ARHGEF16: variants seen among roughly 807,000 people sequenced by gnomAD.
The protein encoded by ARHGEF16 is Rho guanine exchange factor (GEF) 16.
In ARHGEF16, 59 loss-of-function variants were observed where a neutral mutation model predicts 74.1. The ratio of observed to expected loss-of-function variants is 0.80; its 90% CI spans 0.65 to 0.99. The LOEUF (loss-of-function observed/expected upper bound fraction) is 0.99, where lower values mean the gene tolerates loss of function less well. Among genes scored for constraint, ARHGEF16 ranks in the 50% least tolerant of loss-of-function variants. ARHGEF16 has a pLI of 0.00. For missense variants in ARHGEF16, 948 were observed against 986.6 expected (o/e 0.96, Z 0.52); for synonymous variants, 415 against 412.6 (o/e 1.01, Z -0.07).
chr1:3,460,143 C>G (rs886553067), intron 1 of ARHGEF16, among the ~76,000 whole-genome samples: 5 of 152,250 alleles, frequency 3.3e-5, no homozygotes, highest in African/African-American at 1.2e-4. Flanking sequence ...ACTGCCCACA[C>G]CCCTCAGGCT....
chr1:3,469,552 C>A lies in ARHGEF16; in HGVS notation c.981C>A (p.His327Gln). 6.2e-7 allele frequency: 1 copy of A among 1,613,120 alleles called. No individual in the cohort carries two copies. Among genetic ancestry groups the A allele is most frequent in the Non-Finnish European group, 8.5e-7 (1 of 1,179,988 alleles). Residue 327 changes from histidine (H) to glutamine (Q), a missense_variant, in exon 6 of 15, where the codon CAC becomes CAA. Physicochemically the swap from His to Gln is conservative, Grantham distance 24. Coordinates refer to ENST00000378378, the MANE Select transcript of ARHGEF16 (RefSeq NM_014448.4). ...CCGTGACCCAGATGGAGCACCACCACCTCTTCTCCAACATCCTGGATGTCC... is the reference window on the plus strand; with the variant it reads ...CCGTGACCCAGATGGAGCACCACCAACTCTTCTCCAACATCCTGGATGTCC... ...RATVTQMEHH[H>Q]LFSNILDVLG...
intron 5 of ARHGEF16, 30 bp from the exon 6 acceptor site, chr1:3,469,403 T>G: frequency 6.2e-7 from 1 of 1,611,236 alleles, no homozygotes; most frequent in Non-Finnish European, 8.5e-7. Flanking sequence ...CCAGCGTCAC[T>G]GTGGGGCTCA....
At chr1:3,461,886 T>C (rs1197546794) in intron 1 of ARHGEF16, among the ~76,000 whole-genome samples, 1 of 152,158 alleles carries the variant, frequency 6.6e-6, no homozygotes, top group Non-Finnish European at 1.5e-5. Flanking sequence ...CATTCCTACC[T>C]GGCAGGCACG....
chr1:3,479,273 A>G (rs1217936904), intron 12 of ARHGEF16, among the ~76,000 whole-genome samples: 4 of 152,084 alleles, frequency 2.6e-5, no homozygotes, highest in Non-Finnish European at 5.9e-5. Flanking sequence ...AGTGCCAGGA[A>G]ACGGGGTGGC....
At chr1:3,473,626 A>G in intron 8 of ARHGEF16, 104 bp downstream of exon 8, 1 of 1,548,032 alleles carries the variant, frequency 6.5e-7, no homozygotes, top group Non-Finnish European at 8.8e-7. Flanking sequence ...CTTCTCCTCC[A>G]GGCTTGGCCT....
At chr1:3,467,096 C>G in intron 3 of ARHGEF16, 72 bp from the exon 4 acceptor site, 1 of 1,455,758 alleles carries the variant, frequency 6.9e-7, no homozygotes, top group Non-Finnish European at 9.3e-7. Flanking sequence ...GAGGACTCAG[C>G]TGGCGGGTTG....
intron 1 of ARHGEF16, among the ~76,000 whole-genome samples, chr1:3,460,359 G>A (rs1452620446): frequency 6.6e-6 from 1 of 152,226 alleles, no homozygotes; most frequent in African/African-American, 2.4e-5. Context: ...GGCCTGGGCA[G>A]TCTGGCCCCA....
Position 3,468,981 on chromosome 1 carries a change from C to A in ARHGEF16, c.861+45C>A, listed in dbSNP as rs2100745303. The A allele has an allele frequency of 2.6e-6, 4 of 1,547,096 alleles. 1 individual carries two copies. The Admixed American group carries it at 7.8e-5, about 30-fold the overall frequency. On this transcript the variant is annotated intron_variant, in intron 5 of 14. Transcript: ENST00000378378. ...GAGGGCTGTCCCCCATGGCCTGGGCCATGCAACACCCGGGGAGGGGCAGCA... is the reference window on the plus strand; with the variant it reads ...GAGGGCTGTCCCCCATGGCCTGGGCAATGCAACACCCGGGGAGGGGCAGCA...
chr1:3,475,901 C>G (rs1383727003), intron 9 of ARHGEF16, 69 bp from the exon 10 acceptor site: 9 of 1,466,796 alleles, frequency 6.1e-6, no homozygotes, highest in Non-Finnish European at 7.4e-6. Context: ...CCTGGGCACA[C>G]TGTGGGCCGT....
At chr1:3,470,682 T>C (rs1421139840) in intron 6 of ARHGEF16, among the ~76,000 whole-genome samples, 1 of 146,246 alleles carries the variant, frequency 6.8e-6, no homozygotes, top group Non-Finnish European at 1.5e-5. Flanking sequence ...TAGGTGTGTG[T>C]GCGTGGGCAA....
chr1:3,455,066 C>T (rs1165049921), intron 1 of ARHGEF16, among the ~76,000 whole-genome samples: 1 of 151,854 alleles, frequency 6.6e-6, no homozygotes, highest in Admixed American at 6.5e-5. Context: ...CCAGGCAGCC[C>T]CCTGCTTGCC....
intron 4 of ARHGEF16, chr1:3,468,527 C>A: frequency 6.0e-6 from 2 of 334,758 alleles, no homozygotes; most frequent in Non-Finnish European, 1.2e-5. Flanking sequence ...GCCCTCCACA[C>A]TCCCTCCCTG....
At chr1:3,457,303 C>T (rs532886428) in intron 1 of ARHGEF16, among the ~76,000 whole-genome samples, 114 of 152,366 alleles carry the variant, frequency 7.5e-4, no homozygotes, top group Middle Eastern at 3.4e-3. Flanking sequence ...AGAGAGGCCG[C>T]GCCCCACTGG....
chr1:3,478,073 T>C, intron 11 of ARHGEF16, 47 bp downstream of exon 11: 2 of 1,610,652 alleles, frequency 1.2e-6, no homozygotes, highest in Non-Finnish European at 1.7e-6. Context: ...CCATGGACAC[T>C]GGACCGCTGG....
chr1:3,478,623 T>C lies in ARHGEF16; in HGVS notation c.1814+11T>C, dbSNP rs778634944. The C allele has an allele frequency of 1.9e-6, 3 of 1,597,158 alleles. No individual in the cohort carries two copies. Among genetic ancestry groups the C allele is most frequent in the Non-Finnish European group, 1.7e-6 (2 of 1,170,106 alleles). On this transcript the variant is annotated intron_variant, in intron 12 of 14. Transcript: ENST00000378378. Reference sequence around the variant, plus strand: ...CTCCTCGGACTCCGCGTAAGTGGGCTCCCGGGAGGGCTGTTCCCAGGCCAC... The same window carrying C: ...CTCCTCGGACTCCGCGTAAGTGGGCCCCCGGGAGGGCTGTTCCCAGGCCAC...
intron 8 of ARHGEF16, chr1:3,473,734 C>G (rs1639805153): frequency 3.7e-6 from 3 of 809,258 alleles, no homozygotes; most frequent in Admixed American, 5.8e-5. Context: ...GGGAACTGTT[C>G]CAGCCCTTGG....
intron 1 of ARHGEF16, among the ~76,000 whole-genome samples, chr1:3,459,869 G>T (rs1184801587): frequency 1.3e-5 from 2 of 152,042 alleles, no homozygotes; most frequent in Non-Finnish European, 2.9e-5. Context: ...GCAGGGAGGG[G>T]GTAGGAATGC....
Position 3,468,809 on chromosome 1 carries a change from GA to G in ARHGEF16, c.805-68del. The G allele has an allele frequency of 2.6e-6, 4 of 1,528,618 alleles. No individual in the cohort carries two copies. In the Admixed American group the frequency reaches 7.9e-5, roughly 30 times the overall value. 94.7% of individuals were successfully genotyped at this position (1,528,618 alleles called of 1,614,324 possible). ...GTTGGCCCTGGTCCATCAGGAGGAG[GA>G]AAGAAGGGAGACTTTGGCCCAGGCT... On this transcript the variant is annotated intron_variant, in intron 4 of 14. Transcript: ENST00000378378.
intron 14 of ARHGEF16, 45 bp from the exon 15 acceptor site, chr1:3,480,403 C>G: frequency 6.2e-7 from 1 of 1,607,168 alleles, no homozygotes; most frequent in Non-Finnish European, 8.5e-7. Flanking sequence ...GCCGGGGGAC[C>G]CACGGCCTTC....
Sources: allele counts gnomAD v4.1 joint callset (sites outside exome capture counted in the v4.1 genomes callset), GRCh38; gene constraint gnomAD v4.1.1; transcripts MANE v1.5; gene names NCBI Gene and HGNC (gene_info 2026-07-23, HGNC 2026-07-21).